Variants in DMKN observed in about 807,000 individuals in gnomAD.
The protein encoded by DMKN is epidermis-specific secreted protein SK30/SK89.
Under a neutral mutation model 67.6 loss-of-function variants are expected in DMKN, and 58 were observed. That is an observed-to-expected ratio of 0.86 (90% CI 0.69 to 1.07). The LOEUF (loss-of-function observed/expected upper bound fraction) is 1.07. Among genes scored for constraint, DMKN ranks in the 50% least tolerant of loss-of-function variants. DMKN has a pLI of 0.00. For missense variants in DMKN, 596 were observed against 601.5 expected, an observed-to-expected ratio of 0.99 and a Z score of 0.10; for synonymous variants, 240 against 232.3, an observed-to-expected ratio of 1.03 and a Z score of -0.30.
In DMKN at chr19:35,511,511, C is replaced by CAT. The variant is rs2070808531; in HGVS notation, c.817_818insAT (p.Ser273AsnfsTer105). Reference sequence around the variant, plus strand: ...GCTGCCGCCACTGCTGCTGCCACTGCTGCTGCCACCACTGCTGCTGCCATT... The same window carrying CAT: ...GCTGCCGCCACTGCTGCTGCCACTGCATTGCTGCCACCACTGCTGCTGCCATT... On this transcript the variant is annotated frameshift_variant, in exon 5 of 16. Transcript: ENST00000339686. LOFTEE classifies it high-confidence loss of function. 11 of 1,512,390 alleles carry CAT rather than the reference C, an allele frequency of 7.3e-6. No homozygotes were observed. Among genetic ancestry groups the CAT allele is most frequent in the Middle Eastern group, 2.3e-4 (1 of 4,318 alleles). The allele number at this position is 1,512,390 out of a possible 1,614,324, so 93.7% of individuals were successfully genotyped here.
At chr19:35,510,400 G>C in intron 5 of DMKN, 148 bp from the exon 6 acceptor site, 1 of 1,552,404 alleles carries the variant, frequency 6.4e-7, no homozygotes, top group Non-Finnish European at 8.7e-7. Flanking sequence ...TTAGCCTGTT[G>C]GTCGCTGCAG....
At chr19:35,501,661 C>G (rs1160967773) in intron 11 of DMKN, 3 of 673,664 alleles carry the variant, frequency 4.5e-6, no homozygotes, top group Non-Finnish European at 7.1e-6. Flanking sequence ...TCCTCCCTGA[C>G]CCAGGTCTTC....
intron 6 of DMKN, 73 bp downstream of exon 6, chr19:35,510,111 G>A: frequency 6.4e-7 from 1 of 1,563,498 alleles, no homozygotes; most frequent in Non-Finnish European, 8.7e-7. Flanking sequence ...TTGGCTCCCC[G>A]ATCCTGCGAG....
At chr19:35,512,174 T>C (rs1321162061) in intron 3 of DMKN, among the ~76,000 whole-genome samples, 1 of 152,088 alleles carries the variant, frequency 6.6e-6, no homozygotes, top group Non-Finnish European at 1.5e-5. Context: ...ATTTTTGTAT[T>C]TTTAGTGAAG....
At chr19:35,500,278 C>T (rs938645152) in intron 12 of DMKN, 1 of 1,473,554 alleles carries the variant, frequency 6.8e-7, no homozygotes, top group Non-Finnish European at 9.2e-7. Context: ...GCCCTCAAGA[C>T]CTCTGCCAAC....
At chr19:35,499,879 G>A (rs1057260833) in intron 13 of DMKN, 79 bp downstream of exon 13, 72 of 1,518,382 alleles carry the variant, frequency 4.7e-5, no homozygotes, top group Non-Finnish European at 6.5e-5. Context: ...CAACCGAGAG[G>A]ACCCCGGCAG....
At chr19:35,502,251 TG>T (rs1568573753) in intron 10 of DMKN, 68 bp from the exon 11 acceptor site, 4 of 1,512,302 alleles carry the variant, frequency 2.6e-6, no homozygotes, top group Non-Finnish European at 3.7e-6. Flanking sequence ...TGCAGCAAAT[TG>T]GGGGGATTCC....
chr19:35,505,828 T>G, intron 8 of DMKN, 63 bp from the exon 9 acceptor site: 3 of 1,613,236 alleles, frequency 1.9e-6, no homozygotes, highest in Non-Finnish European at 2.5e-6. Flanking sequence ...CCGAGAGAGG[T>G]CAAGGGCCAC....
rs1313463246 is a variant in DMKN at position 35,511,540 on chromosome 19, G to T, written c.789C>A (p.Asn263Lys). The T allele has an allele frequency of 2.1e-5, 33 of 1,585,796 alleles. No individual in the cohort carries two copies. Among genetic ancestry groups the T allele is most frequent in the Non-Finnish European group, 2.8e-5 (33 of 1,167,716 alleles). The change falls in exon 5 of 16, where the codon AAC (asparagine) becomes AAA (lysine). Residue 263 changes from asparagine (N) to lysine (K), a missense_variant. Transcript: ENST00000339686. ...TGCCACCACTGCTGCTGCCATTGTT[G>T]TTGTCACCATTGCTGCCACTGCCAC... Reference protein sequence around the residue: ...GSSGSGSNGDNNNGSSSGGSS... With the variant: ...GSSGSGSNGDKNNGSSSGGSS...
At chr19:35,499,059 T>A in intron 13 of DMKN, 162 bp from the exon 14 acceptor site, 1 of 976,858 alleles carries the variant, frequency 1.0e-6, no homozygotes, top group Non-Finnish European at 1.5e-6. Flanking sequence ...TGGAGTTGGT[T>A]TCACAGCACG....
At chr19:35,501,729 C>T (rs1599844279) in intron 11 of DMKN, 6 of 1,327,262 alleles carry the variant, frequency 4.5e-6, no homozygotes, top group South Asian at 3.0e-5. Flanking sequence ...ACCGCCCTCC[C>T]GTTCCACCTC....
At chr19:35,501,119 C>CG (rs1238104521) in intron 11 of DMKN, among the ~76,000 whole-genome samples, 4 of 152,162 alleles carry the variant, frequency 2.6e-5, no homozygotes, top group African/African-American at 7.2e-5. Flanking sequence ...CCGGACACCC[C>CG]CCCCAGCCCC....
chr19:35,508,272 T>C (rs564519432), intron 7 of DMKN: 17 of 1,551,484 alleles, frequency 1.1e-5, no homozygotes, highest in Admixed American at 5.9e-5. Context: ...CACAGACCCC[T>C]GCTGAAGATC....
intron 7 of DMKN, chr19:35,507,811 G>A: frequency 2.2e-6 from 1 of 445,136 alleles, no homozygotes; most frequent in South Asian, 3.5e-5. Flanking sequence ...CATCAGGGAG[G>A]GCTTTGCCAG....
chr19:35,500,450 G>A (rs1430352570), intron 12 of DMKN, 83 bp downstream of exon 12: 1 of 1,559,124 alleles, frequency 6.4e-7, no homozygotes, highest in South Asian at 1.2e-5. Flanking sequence ...AGGAGTGAAA[G>A]AGAATTTCAG....
In DMKN at chr19:35,513,390, T is replaced by C; in HGVS notation, c.86A>G (p.Glu29Gly). 6.2e-7 allele frequency: 1 copy of C among 1,609,700 alleles called. No homozygotes were observed. Among genetic ancestry groups the C allele is most frequent in the South Asian group, 1.1e-5 (1 of 91,078 alleles). Residue 29 changes from glutamate to glycine, a missense_variant, in exon 1 of 16, where the codon GAA becomes GGA. Glu to Gly is a moderately conservative substitution (Grantham distance 98, BLOSUM62 -2). Transcript: ENST00000339686. The part of the protein sequence containing the change: ...GEAGPLQSGE[E>G]STGTNIGEAL... ...CTCCCCAATATTTGTCCCAGTGCTTTCCTCTCCGCTCTGCAGGGGGCCAGC... is the reference window on the plus strand; with the variant it reads ...CTCCCCAATATTTGTCCCAGTGCTTCCCTCTCCGCTCTGCAGGGGGCCAGC...
chr19:35,501,122 C>A (rs1043805844), intron 11 of DMKN, among the ~76,000 whole-genome samples: 1 of 152,284 alleles, frequency 6.6e-6, no homozygotes, highest in South Asian at 2.1e-4. Flanking sequence ...GACACCCCCC[C>A]CAGCCCCAGC....
At chr19:35,501,033 T>C (rs1294069797) in intron 11 of DMKN, among the ~76,000 whole-genome samples, 1 of 152,198 alleles carries the variant, frequency 6.6e-6, no homozygotes, top group African/African-American at 2.4e-5. Context: ...GTGCTTAGGT[T>C]AGCTCTGGAC....
Position 35,508,296 on chromosome 19 carries a change from C to A in DMKN, c.1038+1615G>T. On this transcript the variant is annotated intron_variant, in intron 7 of 15. Transcript: ENST00000339686. ...CTGCTGAAGATCCTGAGGCCACCCC[C>A]GAAAATTAATGTATTGATTTAATAT... The A allele has an allele frequency of 6.5e-7, 1 of 1,544,568 alleles. No individual in the cohort carries two copies. Among genetic ancestry groups the A allele is most frequent in the Non-Finnish European group, 8.8e-7 (1 of 1,142,050 alleles).
Sources: allele counts gnomAD v4.1 joint callset (sites outside exome capture counted in the v4.1 genomes callset), GRCh38; gene constraint gnomAD v4.1.1; transcripts MANE v1.5; gene names NCBI Gene and HGNC (gene_info 2026-07-23, HGNC 2026-07-21).